The following DISC1 variants were observed in gnomAD, a reference collection of about 807,000 sequenced individuals.
DISC1 encodes DISC1 scaffold protein, also known as disrupted in schizophrenia 1 protein.
DISC1 carries 57 observed loss-of-function variants against 84.5 expected under a neutral mutation model. The observed-to-expected ratio is 0.67, with a 90% CI of 0.55 to 0.84. The LOEUF (loss-of-function observed/expected upper bound fraction) is 0.84, where lower values mean the gene tolerates loss of function less well. DISC1 is among the 40% of genes least tolerant of loss of function. The pLI is 0.00. For synonymous variants in DISC1, 411 were observed against 415.2 expected (o/e 0.99, Z 0.12); for missense variants, 1,000 against 1,057.8 (o/e 0.95, Z 0.76).
chr1:231,680,778 T>A (rs1012089738), intron 1 of DISC1, among the ~76,000 whole-genome samples: 2 of 152,200 alleles, frequency 1.3e-5, no homozygotes, highest in Non-Finnish European at 2.9e-5. Flanking sequence ...GGGATCATTT[T>A]AAAAATAAAC....
At chr1:231,708,350 A>G (rs1316397414) in intron 3 of DISC1, among the ~76,000 whole-genome samples, 2 of 152,358 alleles carry the variant, frequency 1.3e-5, no homozygotes, top group Non-Finnish European at 2.9e-5. Context: ...CTCCATGGAC[A>G]TCAGAAATTT....
rs566636183 is a variant in DISC1, at chr1:232,037,713, G to A, written c.*882G>A. 4.6e-4 allele frequency: 69 copies of A among 151,344 alleles called. No homozygotes were observed. Among genetic ancestry groups the A allele is most frequent in the African/African-American group, 1.6e-3 (64 of 40,472 alleles). The allele number at this position is 151,344 out of a possible 1,614,324, so 9.4% of individuals were successfully genotyped here. On this transcript the variant is annotated 3_prime_UTR_variant, in exon 13 of 13. Transcript: ENST00000439617. The stretch of plus-strand genomic sequence containing the variant: ...CAGTACTCAGGCAGTGCAGTACTCA[G>A]TAAGACAGTGCAGTGCTCAGTAAGG...
At position 231,818,622 on chromosome 1, in the gene DISC1, C is replaced by T. The variant is rs140348041; in HGVS notation, c.1981+105C>T. 106 of 1,526,996 alleles carry T rather than the reference C, an allele frequency of 6.9e-5. No homozygotes were observed. In the African/African-American group the frequency reaches 1.2e-3, roughly 17 times the overall value. 94.6% of individuals were successfully genotyped at this position (1,526,996 alleles called of 1,614,324 possible). A position where few individuals can be genotyped will look rare whatever the true frequency, so the allele number is the denominator to read the frequency against. On this transcript the variant is annotated intron_variant, in intron 9 of 12. Coordinates refer to ENST00000439617, the MANE Select transcript of DISC1 (RefSeq NM_018662.3). ...CTTATGTGAACGTCACTGTGAAGAG[C>T]GTCATGGAGCACATGGCCCTTTTCC... is the stretch of plus-strand genomic sequence containing the variant.
intron 9 of DISC1, among the ~76,000 whole-genome samples, chr1:231,946,068 T>A (rs1362940195): frequency 6.6e-6 from 1 of 152,068 alleles, no homozygotes; most frequent in African/African-American, 2.4e-5. Context: ...CTGAAATGAT[T>A]CCAAACAAGA....
rs182467598 is a variant in DISC1 at position 231,778,665 on chromosome 1, A to G, written c.1634+7595A>G. The stretch of plus-strand genomic sequence containing the variant: ...AACGTGGAAAAGTTTACCAGACTAT[A>G]ATCTGGTAAAGGAGGAAGAGGATTG... On this transcript the variant is annotated intron_variant, in intron 6 of 12. Transcript: ENST00000439617. Among the ~76,000 whole-genome samples, 3 of 152,250 alleles carry G rather than the reference A, an allele frequency of 2.0e-5. No homozygotes were observed. In the East Asian group the frequency reaches 5.8e-4, roughly 29 times the overall value.
intron 9 of DISC1, among the ~76,000 whole-genome samples, chr1:231,825,204 A>G (rs1171251158): frequency 6.6e-6 from 1 of 151,750 alleles, no homozygotes; most frequent in Non-Finnish European, 1.5e-5. Context: ...TTGTTTCTAT[A>G]CTCCCTTAAA....
intron 9 of DISC1, among the ~76,000 whole-genome samples, chr1:231,832,290 G>A (rs71529857): frequency 0.56 from 78,791 of 140,838 alleles, 19,328 homozygotes; most frequent in Middle Eastern, 0.59. Context: ...AGCGGCAGCC[G>A]CTGCACGCAG....
chr1:231,793,079 G>A (rs1384514738), intron 6 of DISC1, among the ~76,000 whole-genome samples: 1 of 152,166 alleles, frequency 6.6e-6, no homozygotes, highest in African/African-American at 2.4e-5. Flanking sequence ...ATTGAAACGA[G>A]TTTGCTTATA....
Position 232,009,983 on chromosome 1 carries a change from A to G in DISC1, c.2307+934A>G, listed in dbSNP as rs1027444100. ...GGGGAAATTGCCACCTCCCCAGGCC[A>G]GCCCTGCCAGTCTCACATCCCATCT... On this transcript the variant is annotated intron_variant, in intron 11 of 12. Transcript: ENST00000439617. The surrounding 1 kb of genome is among the most constrained non-coding windows in gnomAD (Gnocchi z 4.6). Among the ~76,000 whole-genome samples, 5 of 152,162 alleles carry G rather than the reference A, an allele frequency of 3.3e-5. No homozygotes were observed. The highest frequency in any genetic ancestry group is 1.2e-4 in the African/African-American group (5 of 41,448).
intron 3 of DISC1, among the ~76,000 whole-genome samples, chr1:231,736,401 G>T (rs1316705635): frequency 6.6e-6 from 1 of 152,192 alleles, no homozygotes; most frequent in East Asian, 1.9e-4. Context: ...TTGCTGTGAG[G>T]CCTTGGGTAA....
At chr1:232,022,814 C>G (rs1669091677) in intron 11 of DISC1, among the ~76,000 whole-genome samples, 1 of 152,074 alleles carries the variant, frequency 6.6e-6, no homozygotes, top group African/African-American at 2.4e-5. Flanking sequence ...TCATATCTAC[C>G]CAGTTCACAT....
At chr1:231,707,823 A>G (rs10429979) in intron 3 of DISC1, among the ~76,000 whole-genome samples, 42,617 of 151,868 alleles carry the variant, frequency 0.28, 6,574 homozygotes, top group East Asian at 0.36. Flanking sequence ...CCAAAATTAA[A>G]TCCCTAAAAC....
chr1:231,854,828 T>C, intron 9 of DISC1: 1 of 305,524 alleles, frequency 3.3e-6, no homozygotes, highest in Non-Finnish European at 7.0e-6. Context: ...GCAATTCTCC[T>C]GCCTCAGCCT....
intron 1 of DISC1, among the ~76,000 whole-genome samples, chr1:231,686,785 T>G (rs901066208): frequency 3.9e-5 from 6 of 152,198 alleles, no homozygotes; most frequent in African/African-American, 1.4e-4. Context: ...TTTCTGAACT[T>G]TTATGTTCTG....
intron 8 of DISC1, among the ~76,000 whole-genome samples, chr1:231,809,142 T>C (rs12735888): frequency 0.37 from 56,863 of 152,062 alleles, 11,086 homozygotes; most frequent in Admixed American, 0.42. Context: ...AGGGGAGATG[T>C]CTCTCAGTTT....
intron 10 of DISC1, among the ~76,000 whole-genome samples, chr1:231,969,083 T>A (rs1241255618): frequency 6.6e-6 from 1 of 152,178 alleles, no homozygotes; most frequent in South Asian, 2.1e-4. Context: ...AGAGAATACC[T>A]TATCTTCCTG....
At position 231,693,853 on chromosome 1, in the gene DISC1, C is replaced by T. The variant is rs778380831; in HGVS notation, c.95C>T (p.Ala32Val). The change falls in exon 2 of 13, where the codon GCG becomes GTG. Residue 32 changes from alanine to valine, a missense_variant. Physicochemically the swap from Ala to Val is moderately conservative, Grantham distance 64. Coordinates refer to ENST00000439617, the MANE Select transcript of DISC1 (RefSeq NM_018662.3). Reference sequence around the variant, plus strand: ...AGCCGGGATTGCTTACCACCTGCAGCGTGCTTTCGGAGGCGGCGGCTGGCA... The same window carrying T: ...AGCCGGGATTGCTTACCACCTGCAGTGTGCTTTCGGAGGCGGCGGCTGGCA... ...AGSRDCLPPA[A>V]CFRRRRLARR... 30 of 1,613,800 alleles carry T rather than the reference C, an allele frequency of 1.9e-5. No homozygotes were observed. Among genetic ancestry groups the T allele is most frequent in the East Asian group, 1.3e-4 (6 of 44,890 alleles).
chr1:231,758,346 T>G (rs2075339932), intron 4 of DISC1, among the ~76,000 whole-genome samples: 1 of 152,040 alleles, frequency 6.6e-6, no homozygotes, highest in African/African-American at 2.4e-5. Flanking sequence ...TCTTTGTGAG[T>G]GAATCTAGTG....
At chr1:231,687,792 A>G (rs886988473) in intron 1 of DISC1, among the ~76,000 whole-genome samples, 4 of 152,140 alleles carry the variant, frequency 2.6e-5, no homozygotes, top group African/African-American at 9.7e-5. Context: ...GGAAATGGGG[A>G]GTTAATATTC....
Sources: gnomAD v4.1 joint callset for allele counts (sites outside exome capture counted in the v4.1 genomes callset) on GRCh38, gnomAD v4.1.1 for gene constraint, Gnocchi (gnomAD v3.1) non-coding constraint, MANE v1.5 for transcripts, NCBI Gene and HGNC (gene_info 2026-07-23, HGNC 2026-07-21) for gene names.